The following FAIM2 variants were observed in gnomAD, a reference collection of about 807,000 sequenced individuals.
FAIM2 encodes the protein protein lifeguard 2.
A neutral mutation model predicts 47.4 loss-of-function variants in FAIM2; 27 were observed. The ratio of observed to expected loss-of-function variants is 0.57; its 90% CI spans 0.42 to 0.78. The LOEUF (loss-of-function observed/expected upper bound fraction) is 0.78. Ranked by LOEUF, FAIM2 falls within the 30% of genes least tolerant of loss-of-function variation. The probability of loss-of-function intolerance (pLI) is 0.00; values close to 1 mark genes in which losing one functional copy is unlikely to be tolerated. For missense variants in FAIM2, 311 were observed against 389.4 expected, an observed-to-expected ratio of 0.80 and a Z score of 1.69; for synonymous variants, 156 against 159.3, an observed-to-expected ratio of 0.98 and a Z score of 0.16.
At position 49,869,927 on chromosome 12, in the gene FAIM2, C is replaced by T; in HGVS notation, c.*577G>A. On this transcript the variant is annotated 3_prime_UTR_variant, in exon 12 of 12. Coordinates refer to ENST00000320634, the MANE Select transcript of FAIM2 (RefSeq NM_012306.4). ...TGCCCTTGGCCTCCAGGTCCAAATC[C>T]CTAGAACAAGCCGCTGGTCCCAGAG... 6.5e-6 allele frequency: 1 copy of T among 152,986 alleles called. No individual in the cohort carries two copies. Among genetic ancestry groups the T allele is most frequent in the Non-Finnish European group, 1.5e-5 (1 of 68,670 alleles). 9.5% of individuals were successfully genotyped at this position (152,986 alleles called of 1,614,324 possible).
chr12:49,890,172 G>A lies in FAIM2; in HGVS notation c.526-18C>T, dbSNP rs1314365151. 2 of 1,613,760 alleles carry A rather than the reference G, an allele frequency of 1.2e-6. No homozygotes were observed. Among genetic ancestry groups the A allele is most frequent in the Non-Finnish European group, 1.7e-6 (2 of 1,179,784 alleles). ...GACAGGGTCTGAAAGGAGAAGCAGG[G>A]TAAAGGAATGTTCCAAACTCAGACG... On this transcript the variant is annotated intron_variant, in intron 7 of 11. Coordinates refer to ENST00000320634, the MANE Select transcript of FAIM2 (RefSeq NM_012306.4).
At chr12:49,875,393 A>G (rs1338834529) in intron 11 of FAIM2, among the ~76,000 whole-genome samples, 1 of 152,128 alleles carries the variant, frequency 6.6e-6, no homozygotes, top group Non-Finnish European at 1.5e-5. Flanking sequence ...TACCAGCCAT[A>G]TGTCCAGGTG....
chr12:49,891,882 C>T (rs746309026), intron 5 of FAIM2, among the ~76,000 whole-genome samples: 5 of 152,114 alleles, frequency 3.3e-5, no homozygotes, highest in Admixed American at 6.5e-5. Context: ...TTCTGAGTAG[C>T]GGAGGCAGAG....
chr12:49,901,084 AC>A, intron 2 of FAIM2, 45 bp downstream of exon 2: 1 of 1,459,720 alleles, frequency 6.9e-7, no homozygotes, highest in Non-Finnish European at 9.1e-7. Context: ...CTCTGGGTCC[AC>A]CCCCACCCCA....
At chr12:49,870,725 G>T in intron 11 of FAIM2, 72 bp from the exon 12 acceptor site, 1 of 1,512,110 alleles carries the variant, frequency 6.6e-7, no homozygotes, top group Non-Finnish European at 9.1e-7. Flanking sequence ...GGCAGCCCAG[G>T]TGTCCCCCTC....
intron 11 of FAIM2, among the ~76,000 whole-genome samples, chr12:49,879,619 T>A (rs1280299401): frequency 6.6e-6 from 1 of 151,798 alleles, no homozygotes; most frequent in African/African-American, 2.4e-5. Flanking sequence ...TGTGTGTGCA[T>A]GTGTGTATAT....
chr12:49,895,242 T>C (rs550635230), intron 5 of FAIM2, among the ~76,000 whole-genome samples: 1 of 152,136 alleles, frequency 6.6e-6, no homozygotes, highest in South Asian at 2.1e-4. Context: ...AGCATCTCTG[T>C]TTTCTGCCCA....
At chr12:49,877,105 G>A (rs1054758791) in intron 11 of FAIM2, among the ~76,000 whole-genome samples, 3 of 152,206 alleles carry the variant, frequency 2.0e-5, no homozygotes, top group Non-Finnish European at 4.4e-5. Context: ...TCCTGGATAT[G>A]GAAGCAGAAG....
At chr12:49,890,217 G>T in intron 7 of FAIM2, 63 bp from the exon 8 acceptor site, 9 of 1,519,292 alleles carry the variant, frequency 5.9e-6, no homozygotes, top group Non-Finnish European at 8.2e-6. Context: ...AGGCACCCTC[G>T]AGGTCCAGCT....
Position 49,867,172 on chromosome 12 carries a change from T to C in FAIM2, c.*3332A>G, listed in dbSNP as rs1280281058. 6 of 152,218 alleles carry C rather than the reference T, an allele frequency of 3.9e-5. No homozygotes were observed. Among genetic ancestry groups the C allele is most frequent in the Non-Finnish European group, 8.8e-5 (6 of 68,136 alleles). The allele number at this position is 152,218 out of a possible 1,614,324, so 9.4% of individuals were successfully genotyped here. A position where few individuals can be genotyped will look rare whatever the true frequency, so the allele number is the denominator to read the frequency against. ...GGCAAAAGAAAACAGCGGTGGCTGA[T>C]GAGAAGACAGGTCTGGGGAGGTCTG... On this transcript the variant is annotated 3_prime_UTR_variant, in exon 12 of 12. Transcript: ENST00000320634.
chr12:49,895,274 T>G (rs979077814), intron 5 of FAIM2, among the ~76,000 whole-genome samples: 7 of 151,934 alleles, frequency 4.6e-5, no homozygotes, highest in Non-Finnish European at 8.8e-5. Context: ...GAGGAGGGAC[T>G]CCAGATCTCA....
chr12:49,877,101 A>G (rs1333362029), intron 11 of FAIM2, among the ~76,000 whole-genome samples: 18 of 152,180 alleles, frequency 1.2e-4, no homozygotes, highest in Non-Finnish European at 1.5e-5. Context: ...CAGGTCCTGG[A>G]TATGGAAGCA....
chr12:49,888,081 C>A (rs1242589019), intron 10 of FAIM2, among the ~76,000 whole-genome samples: 1 of 152,178 alleles, frequency 6.6e-6, no homozygotes, highest in Non-Finnish European at 1.5e-5. Flanking sequence ...CTCCATGGGG[C>A]CCTCCTCCAG....
chr12:49,887,304 G>A, intron 11 of FAIM2, 82 bp downstream of exon 11: 1 of 1,285,658 alleles, frequency 7.8e-7, no homozygotes, highest in South Asian at 1.3e-5. Flanking sequence ...AGAGGGCTGT[G>A]AGGAAGATGG....
At chr12:49,879,288 G>C (rs1273976309) in intron 11 of FAIM2, among the ~76,000 whole-genome samples, 2 of 109,646 alleles carry the variant, frequency 1.8e-5, no homozygotes, top group Non-Finnish European at 3.7e-5. Flanking sequence ...GTGTGTATGT[G>C]TGTGGGTATG....
At chr12:49,901,581 C>G in intron 1 of FAIM2, 1 of 371,120 alleles carries the variant, frequency 2.7e-6, no homozygotes, top group Non-Finnish European at 4.8e-6. Context: ...GAGTGTCCAC[C>G]ATTGGTTGTC....
rs1946762386 is a variant in FAIM2, at chr12:49,878,492, ATGTGCATGTGTGTATATG to A, written c.802-7857_802-7840del. ...TGTGTGTGTGCATGTGTGTATATGT[ATGTGCATGTGTGTATATG>A]TGTGCATATGACTGTGTATGTGCAT... On this transcript the variant is annotated intron_variant, in intron 11 of 11. Coordinates refer to ENST00000320634, the MANE Select transcript of FAIM2 (RefSeq NM_012306.4). Among the ~76,000 whole-genome samples the A allele has an allele frequency of 2.6e-5, 3 of 113,872 alleles. 1 individual carries two copies. Among genetic ancestry groups the A allele is most frequent in the Non-Finnish European group, 5.2e-5 (3 of 57,210 alleles). 74.7% of individuals were successfully genotyped at this position (113,872 alleles called of 152,430 possible). A position where few individuals can be genotyped will look rare whatever the true frequency, so the allele number is the denominator to read the frequency against.
chr12:49,881,737 C>T (rs958165196), intron 11 of FAIM2, among the ~76,000 whole-genome samples: 1 of 152,210 alleles, frequency 6.6e-6, no homozygotes, highest in Non-Finnish European at 1.5e-5. Context: ...CTTCTACTGG[C>T]ATATTTGGGT....
rs572237195 is a variant in FAIM2, at chr12:49,880,850, G to A, written c.801+6536C>T. On this transcript the variant is annotated intron_variant, in intron 11 of 11. Transcript: ENST00000320634. ...TGAGTTTATGTGAGTGTATGTATATGGATATGCATGTGTGTATATGCGTGA... is the reference window on the plus strand; with the variant it reads ...TGAGTTTATGTGAGTGTATGTATATAGATATGCATGTGTGTATATGCGTGA... 8.7e-5 allele frequency among the ~76,000 whole-genome samples: 13 copies of A among 150,126 alleles called. No homozygotes were observed. In the East Asian group the frequency reaches 2.6e-3, roughly 30 times the overall value.
Sources: allele counts gnomAD v4.1 joint callset (sites outside exome capture counted in the v4.1 genomes callset), GRCh38; gene constraint gnomAD v4.1.1; transcripts MANE v1.5; gene names NCBI Gene and HGNC (gene_info 2026-07-23, HGNC 2026-07-21).